The following PRH1 variants were observed in gnomAD, a reference collection of about 807,000 sequenced individuals.
PRH1 encodes the protein proline rich protein HaeIII subfamily 1, also known as salivary acidic proline-rich phosphoprotein 1/2.
In PRH1, 7 loss-of-function variants were observed where a neutral mutation model predicts 7.9. The observed-to-expected ratio is 0.89, with a 90% CI of 0.50 to 1.67. The LOEUF (loss-of-function observed/expected upper bound fraction) is 1.67, where lower values mean the gene tolerates loss of function less well. PRH1 is among the 40% of genes most tolerant of loss of function. PRH1 has a pLI of 0.00. For synonymous variants in PRH1, 45 were observed against 80.8 expected (o/e 0.56, Z 2.38); for missense variants, 109 against 223.6 (o/e 0.49, Z 3.27).
intron 1 of PRH1, among the ~76,000 whole-genome samples, chr12:11,136,805 G>A (rs1946568291): frequency 1.3e-5 from 2 of 152,118 alleles, no homozygotes; most frequent in African/African-American, 4.8e-5. Flanking sequence ...TGGGGCAGGA[G>A]CACCCAGGAG....
intron 2 of PRH1, among the ~76,000 whole-genome samples, chr12:10,920,840 T>A (rs1279896333): frequency 1.3e-5 from 2 of 152,132 alleles, no homozygotes; most frequent in African/African-American, 4.8e-5. Flanking sequence ...GTTACACTAA[T>A]AACTATGCTT....
At chr12:10,944,115 G>C (rs1450821032) in intron 2 of PRH1, among the ~76,000 whole-genome samples, 1 of 152,162 alleles carries the variant, frequency 6.6e-6, no homozygotes, top group African/African-American at 2.4e-5. Context: ...GTTCTGTGAA[G>C]AATCTCATTG....
intron 2 of PRH1, among the ~76,000 whole-genome samples, chr12:10,901,552 A>C (rs1949724115): frequency 1.3e-5 from 2 of 152,132 alleles, no homozygotes; most frequent in African/African-American, 2.4e-5. Context: ...CAGGGAGTTC[A>C]CACCACTGTG....
intron 1 of PRH1, among the ~76,000 whole-genome samples, chr12:11,098,456 G>T (rs1379136447): frequency 6.6e-6 from 1 of 152,078 alleles, no homozygotes; most frequent in East Asian, 1.9e-4. Flanking sequence ...GAAATTGACT[G>T]GAAACCTGAA....
intron 2 of PRH1, among the ~76,000 whole-genome samples, chr12:10,953,074 G>A (rs1937765595): frequency 6.6e-6 from 1 of 151,792 alleles, no homozygotes. Flanking sequence ...CTCATTTGAT[G>A]GAATCCACAG....
At chr12:11,141,416 G>A (rs1197617821) in intron 1 of PRH1, among the ~76,000 whole-genome samples, 1 of 152,082 alleles carries the variant, frequency 6.6e-6, no homozygotes, top group Non-Finnish European at 1.5e-5. Flanking sequence ...TTACTTAATG[G>A]TTTAAGATGA....
intron 2 of PRH1, among the ~76,000 whole-genome samples, chr12:10,953,173 A>G (rs1937773264): frequency 6.6e-6 from 1 of 152,208 alleles, no homozygotes; most frequent in Non-Finnish European, 1.5e-5. Flanking sequence ...ATATCAGCCC[A>G]CAGAGATGAG....
intron 1 of PRH1, among the ~76,000 whole-genome samples, chr12:11,043,376 T>C (rs1942788365): frequency 6.6e-6 from 1 of 152,114 alleles, no homozygotes. Context: ...TCCTCTAAGA[T>C]CTGGAACATG....
chr12:10,983,085 C>G (rs932662906), intron 1 of PRH1, among the ~76,000 whole-genome samples: 3 of 152,104 alleles, frequency 2.0e-5, no homozygotes, highest in Admixed American at 1.3e-4. Context: ...GATGATGTAA[C>G]AGAATTCAAA....
intron 1 of PRH1, among the ~76,000 whole-genome samples, chr12:11,004,997 C>G (rs1940763963): frequency 6.6e-6 from 1 of 152,014 alleles, no homozygotes; most frequent in African/African-American, 2.4e-5. Context: ...TTAAGGCAGG[C>G]CTAATATCAT....
chr12:10,958,633 T>C (rs1194203920), intron 2 of PRH1, among the ~76,000 whole-genome samples: 1 of 152,118 alleles, frequency 6.6e-6, no homozygotes, highest in Non-Finnish European at 1.5e-5. Flanking sequence ...GAGGCCTCAA[T>C]GATTCAATGA....
At chr12:11,159,853 A>C (rs1231949087) in intron 1 of PRH1, among the ~76,000 whole-genome samples, 1 of 152,224 alleles carries the variant, frequency 6.6e-6, no homozygotes, top group African/African-American at 2.4e-5. Context: ...TTCATGAAAA[A>C]AATAGTTTGT....
intron 1 of PRH1, among the ~76,000 whole-genome samples, chr12:11,030,180 A>C (rs796515379): frequency 1.2e-5 from 1 of 85,628 alleles, no homozygotes; most frequent in African/African-American, 2.9e-5. Flanking sequence ...AAAAAACAGA[A>C]AAGAGCATGT....
chr12:11,051,475 AC>A (rs1943140968), upstream of PRH1, among the ~76,000 whole-genome samples: 1 of 152,214 alleles, frequency 6.6e-6, no homozygotes, highest in Non-Finnish European at 1.5e-5. Flanking sequence ...ATGAGCCAAA[AC>A]AAAAATGGAA....
intron 1 of PRH1, chr12:11,133,562 A>C: frequency 3.1e-6 from 5 of 1,614,234 alleles, no homozygotes; most frequent in Non-Finnish European, 3.4e-6. Flanking sequence ...CACAGTTTGC[A>C]AAGCTTTTAT....
intron 2 of PRH1, among the ~76,000 whole-genome samples, chr12:10,906,778 A>G (rs1291202971): frequency 6.6e-6 from 1 of 152,162 alleles, no homozygotes; most frequent in Non-Finnish European, 1.5e-5. Flanking sequence ...CTGTCAGTCA[A>G]TTAAACCTCT....
intron 1 of PRH1, among the ~76,000 whole-genome samples, chr12:11,011,295 T>C (rs1351333617): frequency 3.3e-5 from 5 of 152,062 alleles, no homozygotes; most frequent in African/African-American, 1.2e-4. Context: ...TCCTTTTACA[T>C]TCTCTGACCA....
intron 1 of PRH1, among the ~76,000 whole-genome samples, chr12:11,080,449 T>C (rs1330417223): frequency 1.3e-5 from 1 of 79,898 alleles, no homozygotes; most frequent in Non-Finnish European, 3.2e-5. Flanking sequence ...TTCTTTCACA[T>C]ATCATTTGCT....
In PRH1 at chr12:11,054,795, C is replaced by CTTTT. The variant is rs71051560; in HGVS notation, n.124-7611_124-7608dup. Among the ~76,000 whole-genome samples the CTTTT allele has an allele frequency of 5.7e-5, 3 of 52,782 alleles. 1 individual carries two copies. Among genetic ancestry groups the CTTTT allele is most frequent in the African/African-American group, 6.8e-5 (1 of 14,670 alleles). The allele number at this position is 52,782 out of a possible 152,430, so 34.6% of individuals were successfully genotyped here. On this transcript the variant is annotated intron_variant and non_coding_transcript_variant, in intron 1 of 4. Coordinates refer to the PRH1 transcript ENST00000541977. ...TACAGATGCTCAGAATCTGATGTTT[C>CTTTT]TTTTTTTTTTTTTTTTTTTTTTTTT... is the stretch of plus-strand genomic sequence containing the variant.
Sources: allele counts gnomAD v4.1 joint callset (sites outside exome capture counted in the v4.1 genomes callset), GRCh38; gene constraint gnomAD v4.1.1; transcripts MANE v1.5; gene names NCBI Gene and HGNC (gene_info 2026-07-23, HGNC 2026-07-21).